NTM: variants seen among roughly 807,000 people sequenced by gnomAD.
NTM encodes neurotrimin.
In NTM, 13 loss-of-function variants were observed where a neutral mutation model predicts 42.1. The ratio of observed to expected loss-of-function variants is 0.31; its 90% CI spans 0.20 to 0.49. The LOEUF is 0.49. NTM is among the 20% of genes least tolerant of loss of function. The pLI, the probability that NTM is intolerant of heterozygous loss-of-function variation, is 0.99. For missense variants in NTM, 373 were observed against 452.8 expected, an observed-to-expected ratio of 0.82 and a Z score of 1.60; for synonymous variants, 187 against 179.2, an observed-to-expected ratio of 1.04 and a Z score of -0.35.
At chr11:131,544,516 A>AT (rs995115330) in intron 1 of NTM, among the ~76,000 whole-genome samples, 24 of 149,852 alleles carry the variant, frequency 1.6e-4, no homozygotes, top group Admixed American at 2.7e-4. Context: ...ATCCCTAGAT[A>AT]TTTTTTTTTT....
intron 2 of NTM, among the ~76,000 whole-genome samples, chr11:132,107,339 CTTTTTTTTTTTTTTTTTTTT>C (rs780844735): frequency 1.1e-5 from 1 of 88,860 alleles, no homozygotes; most frequent in Non-Finnish European, 2.2e-5. Context: ...AAGATTTATC[CTTTTTTTTTTTTTTTTTTTT>C]TTTTTTTTTG....
At chr11:131,599,843 T>C (rs1342344432) in intron 1 of NTM, among the ~76,000 whole-genome samples, 1 of 152,198 alleles carries the variant, frequency 6.6e-6, no homozygotes, top group Non-Finnish European at 1.5e-5. Context: ...TTTCTCCCAG[T>C]CAGACCTAGA....
Position 131,370,817 on chromosome 11 carries a change from T to C in NTM, c.11T>C (p.Ile4Thr), listed in dbSNP as rs745934679. Reference sequence around the variant, plus strand: ...AGAAGAAAAAAAATCATGAAAACCATCCAGCCAAAAATGCACAATTCTATC... The same window carrying C: ...AGAAGAAAAAAAATCATGAAAACCACCCAGCCAAAAATGCACAATTCTATC... MKT[I>T]QPKMHNSISW... The change falls in exon 1 of 9, where the codon ATC becomes ACC. Residue 4 changes from isoleucine (I) to threonine (T), a missense_variant. Physicochemically the swap from Ile to Thr is moderately conservative, Grantham distance 89 (BLOSUM62 -1). Transcript: ENST00000683400. 2.0e-5 allele frequency: 32 copies of C among 1,613,130 alleles called. No individual in the cohort carries two copies. The East Asian group carries it at 6.9e-4, about 35-fold the overall frequency.
chr11:131,585,554 T>C (rs569068162), intron 1 of NTM, among the ~76,000 whole-genome samples: 1 of 152,268 alleles, frequency 6.6e-6, no homozygotes, highest in East Asian at 1.9e-4. Flanking sequence ...GCAAGCACAG[T>C]TGTGAGTGCA....
intron 1 of NTM, among the ~76,000 whole-genome samples, chr11:131,860,308 G>A (rs1416900107): frequency 6.6e-6 from 1 of 152,148 alleles, no homozygotes; most frequent in East Asian, 1.9e-4. Flanking sequence ...CCATGGTGAG[G>A]ACACAGGGCT....
At chr11:132,268,670 CTGTGTGTGTGTGTGTG>C in intron 4 of NTM, among the ~76,000 whole-genome samples, 1 of 146,424 alleles carries the variant, frequency 6.8e-6, no homozygotes, top group Admixed American at 6.9e-5. Flanking sequence ...CTCTCTCTCT[CTGTGTGTGTGTGTGTG>C]TGTGTGTGTG....
chr11:131,458,125 G>A (rs938637003), intron 1 of NTM, among the ~76,000 whole-genome samples: 2 of 152,202 alleles, frequency 1.3e-5, no homozygotes, highest in African/African-American at 4.8e-5. Context: ...TACTGAGCCT[G>A]GAGTTACTCC....
At position 131,578,221 on chromosome 11, in the gene NTM, C is replaced by T. The variant is rs527742705; in HGVS notation, c.82+207333C>T. On this transcript the variant is annotated intron_variant, in intron 1 of 8. Transcript: ENST00000683400. ...GATCTTGTCAGGCTGACAGAATGGG[C>T]CATATCTAAGATAATGGAATTTCAC... Among the ~76,000 whole-genome samples, 187 of 152,182 alleles carry T rather than the reference C, an allele frequency of 1.2e-3. 10 individuals are homozygous for T. The South Asian group carries it at 0.038, about 31-fold the overall frequency.
intron 1 of NTM, among the ~76,000 whole-genome samples, chr11:131,753,274 C>T (rs2135721086): frequency 6.6e-6 from 1 of 152,130 alleles, no homozygotes; most frequent in Admixed American, 6.5e-5. Flanking sequence ...GAAATAGGAA[C>T]ACTTTTACAC....
At chr11:131,874,418 C>A (rs1306406951) in intron 1 of NTM, among the ~76,000 whole-genome samples, 1 of 152,020 alleles carries the variant, frequency 6.6e-6, no homozygotes. Context: ...CAAGCAGCAG[C>A]AACAACAAAA....
chr11:132,052,574 G>A (rs555563796), intron 2 of NTM, among the ~76,000 whole-genome samples: 4 of 152,228 alleles, frequency 2.6e-5, no homozygotes, highest in East Asian at 3.9e-4. Context: ...AACATTTTCC[G>A]GCAAGAAACA....
At chr11:131,393,597 GC>G (rs1485983357) in intron 1 of NTM, among the ~76,000 whole-genome samples, 1 of 152,094 alleles carries the variant, frequency 6.6e-6, no homozygotes, top group African/African-American at 2.4e-5. Flanking sequence ...TCCTCCTACT[GC>G]CCCCACCACC....
chr11:132,138,308 G>A (rs773866621), intron 2 of NTM, among the ~76,000 whole-genome samples: 3 of 152,252 alleles, frequency 2.0e-5, no homozygotes, highest in Non-Finnish European at 4.4e-5. Context: ...ACTCATGGGG[G>A]AACAGCAAAA....
chr11:132,155,110 C>G (rs562955812), intron 3 of NTM, among the ~76,000 whole-genome samples: 1 of 152,102 alleles, frequency 6.6e-6, no homozygotes, highest in South Asian at 2.1e-4. Context: ...ACAATGAACC[C>G]GGTGTTGGCT....
chr11:132,034,678 G>T (rs2076304670), intron 2 of NTM, among the ~76,000 whole-genome samples: 1 of 152,236 alleles, frequency 6.6e-6, no homozygotes. Flanking sequence ...AACCTGGAGA[G>T]AGGAGTAGAC....
At chr11:131,555,779 C>G (rs1317979046) in intron 1 of NTM, among the ~76,000 whole-genome samples, 1 of 152,082 alleles carries the variant, frequency 6.6e-6, no homozygotes, top group Non-Finnish European at 1.5e-5. Flanking sequence ...GGATGACAAC[C>G]CCGTGGGGCA....
chr11:131,409,730 T>C (rs1439524204), intron 1 of NTM, among the ~76,000 whole-genome samples: 3 of 152,208 alleles, frequency 2.0e-5, no homozygotes, highest in African/African-American at 7.2e-5. Flanking sequence ...ACTGACTTCA[T>C]TTTGCATTCA....
intron 1 of NTM, among the ~76,000 whole-genome samples, chr11:131,487,130 G>T (rs911781112): frequency 6.6e-6 from 1 of 152,154 alleles, no homozygotes; most frequent in African/African-American, 2.4e-5. Flanking sequence ...ATCCTCTTCT[G>T]ATGCCTATGC....
intron 2 of NTM, among the ~76,000 whole-genome samples, chr11:132,091,269 A>C (rs766652763): frequency 4.6e-5 from 7 of 152,108 alleles, no homozygotes; most frequent in Non-Finnish European, 7.4e-5. Context: ...TTAGCTGGGC[A>C]TAGTGGCACA....
Sources: gnomAD v4.1 joint callset for allele counts (sites outside exome capture counted in the v4.1 genomes callset) on GRCh38, gnomAD v4.1.1 for gene constraint, MANE v1.5 for transcripts, NCBI Gene and HGNC (gene_info 2026-07-23, HGNC 2026-07-21) for gene names.